RPS3: variants seen among roughly 807,000 people sequenced by gnomAD.
RPS3 encodes the protein small ribosomal subunit protein uS3.
Under a neutral mutation model 25.8 loss-of-function variants are expected in RPS3, and 2 were observed. That is an observed-to-expected ratio of 0.08 (90% CI 0.03 to 0.24). The LOEUF is 0.24. RPS3 is among the 10% of genes least tolerant of loss of function. The pLI, the probability that RPS3 is intolerant of heterozygous loss-of-function variation, is 1.00. For missense variants in RPS3, 107 were observed against 307.1 expected, an observed-to-expected ratio of 0.35 and a Z score of 4.87; for synonymous variants, 114 against 114.2, an observed-to-expected ratio of 1.00 and a Z score of 0.01.
At chr11:75,403,481 A>T (rs1289106560) in intron 4 of RPS3, 1 of 152,448 alleles carries the variant, frequency 6.6e-6, no homozygotes, top group African/African-American at 2.4e-5. Context: ...TAAACTGCCG[A>T]ATGAGTTGGG....
intron 6 of RPS3, among the ~76,000 whole-genome samples, chr11:75,421,413 A>AGGCCTCACAGCGATATGCACAG: frequency 6.6e-6 from 1 of 152,236 alleles, no homozygotes; most frequent in African/African-American, 2.4e-5. Context: ...CAGCTCCTCC[A>AGGCCTCACAGCGATATGCACAG]GGCCTCACAG....
chr11:75,400,504 C>A, intron 1 of RPS3, 190 bp from the exon 2 acceptor site: 1 of 808,012 alleles, frequency 1.2e-6, no homozygotes, highest in Non-Finnish European at 2.1e-6. Context: ...GAAGTAATTT[C>A]CTAAAGATGA....
At chr11:75,409,825 C>A (rs1217044151), downstream of RPS3, among the ~76,000 whole-genome samples, 3 of 148,304 alleles carry the variant, frequency 2.0e-5, no homozygotes, top group Non-Finnish European at 3.0e-5. Context: ...CTGACCCCCC[C>A]ACCTCCCTCC....
At chr11:75,416,460 ATT>A (rs1180090052) in intron 6 of RPS3, among the ~76,000 whole-genome samples, 12 of 132,788 alleles carry the variant, frequency 9.0e-5, no homozygotes, top group South Asian at 2.3e-4. Flanking sequence ...GATTATTTCT[ATT>A]TTTTTTTTTT....
intron 6 of RPS3, among the ~76,000 whole-genome samples, chr11:75,420,289 G>C (rs1948432326): frequency 6.6e-6 from 1 of 152,212 alleles, no homozygotes; most frequent in Admixed American, 6.5e-5. Flanking sequence ...CCTTTTGCTT[G>C]TGTTTGTGAA....
chr11:75,400,771 A>G lies in RPS3; in HGVS notation c.108A>G (p.Gly36=), dbSNP rs370158932. ...AGCTGGCTGAAGATGGCTACTCTGG[A>G]GTTGAGGTGCGAGTTACACCAACCA... is the stretch of plus-strand genomic sequence containing the variant. ...TRELAEDGYS[G]VEVRVTPTRT... The change falls in exon 2 of 7, where the codon GGA becomes GGG. Residue 36 remains glycine (G), a synonymous_variant. Coordinates refer to ENST00000531188, the MANE Select transcript of RPS3 (RefSeq NM_001005.5). 4 of 1,612,848 alleles carry G rather than the reference A, an allele frequency of 2.5e-6. No individual in the cohort carries two copies. Among genetic ancestry groups the G allele is most frequent in the African/African-American group, 1.3e-5 (1 of 74,894 alleles).
chr11:75,409,763 C>T (rs1419919110), downstream of RPS3, among the ~76,000 whole-genome samples: 10 of 150,812 alleles, frequency 6.6e-5, no homozygotes, highest in South Asian at 8.4e-4. Context: ...TAGGGGCGGC[C>T]GGGCAGAAGT....
downstream of RPS3, among the ~76,000 whole-genome samples, chr11:75,408,795 C>G (rs1387353174): frequency 6.6e-6 from 1 of 152,186 alleles, no homozygotes; most frequent in East Asian, 1.9e-4. Flanking sequence ...ATCCACCTCC[C>G]AAAGTGCTGG....
chr11:75,417,488 T>A (rs920175760), intron 6 of RPS3, among the ~76,000 whole-genome samples: 1 of 152,108 alleles, frequency 6.6e-6, no homozygotes, highest in Admixed American at 6.5e-5. Flanking sequence ...TCCCAGCTAC[T>A]CGGGAGGCTG....
chr11:75,405,507 T>C, intron 6 of RPS3, 107 bp from the exon 7 acceptor site: 1 of 418,448 alleles, frequency 2.4e-6, no homozygotes, highest in Non-Finnish European at 4.7e-6. Context: ...GTATGCATTT[T>C]ATTAATGTTG....
At chr11:75,410,056 C>G (rs1565166841), downstream of RPS3, among the ~76,000 whole-genome samples, 2 of 136,992 alleles carry the variant, frequency 1.5e-5, no homozygotes, top group Admixed American at 7.0e-5. Context: ...GGGCGGCTGG[C>G]CAGGCGGGGG....
At chr11:75,408,166 TATTGA>T (rs1225786985), downstream of RPS3, among the ~76,000 whole-genome samples, 1 of 152,152 alleles carries the variant, frequency 6.6e-6, no homozygotes, top group Non-Finnish European at 1.5e-5. Flanking sequence ...GTGTATAGAT[TATTGA>T]ATTATCAAAG....
rs1050151009 is a variant in RPS3, at chr11:75,404,017, A to C, written c.351-3A>C. ...ACAGTGGCTCTCTTCTGTTCTTTTA[A>C]AGGGCCTGCTATGGTGTGCTGCGGT... On this transcript the variant is annotated splice_region_variant and splice_polypyrimidine_tract_variant and intron_variant, in intron 4 of 6. Transcript: ENST00000531188. This position sits in a 1 kb window ranked among gnomAD's most constrained non-coding sequence, Gnocchi z 4.6. The C allele has an allele frequency of 3.1e-6, 5 of 1,611,038 alleles. No homozygotes were observed. The Admixed American group carries it at 8.4e-5, about 27-fold the overall frequency.
At chr11:75,399,707 C>A in intron 1 of RPS3, 130 bp downstream of exon 1, 1 of 787,268 alleles carries the variant, frequency 1.3e-6, no homozygotes, top group Non-Finnish European at 2.1e-6. Context: ...GGCGTTCCTG[C>A]GGGCCGCGGA....
In RPS3 at chr11:75,404,041, G is replaced by T; in HGVS notation, c.372G>T (p.Arg124=). 3 of 1,612,872 alleles carry T rather than the reference G, an allele frequency of 1.9e-6. No individual in the cohort carries two copies. The highest frequency in any genetic ancestry group is 1.1e-5 in the South Asian group (1 of 91,026). ...AAAGGGCCTGCTATGGTGTGCTGCG[G>T]TTCATCATGGAGAGTGGGGCCAAAG... The part of the protein sequence containing the change: ...AVRRACYGVL[R]FIMESGAKGC... The change falls in exon 5 of 7, where the codon CGG becomes CGT. Residue 124 remains arginine (R), a synonymous_variant. Coordinates refer to ENST00000531188, the MANE Select transcript of RPS3 (RefSeq NM_001005.5). This position sits in a 1 kb window ranked among gnomAD's most constrained non-coding sequence, Gnocchi z 4.6.
rs754720594 is a variant in RPS3 at position 75,400,507 on chromosome 11, A to C, written c.31-187A>C. 4 of 827,034 alleles carry C rather than the reference A, an allele frequency of 4.8e-6. No individual in the cohort carries two copies. The South Asian group carries it at 5.3e-5, about 11-fold the overall frequency. The allele number at this position is 827,034 out of a possible 1,614,324, so 51.2% of individuals were successfully genotyped here. A position where few individuals can be genotyped will look rare whatever the true frequency, so the allele number is the denominator to read the frequency against. On this transcript the variant is annotated intron_variant, in intron 1 of 6. Transcript: ENST00000531188. Reference sequence around the variant, plus strand: ...AGAGCCCTGGTTGAAGTAATTTCCTAAAGATGACTTAGAGGCATTTGTCTG... The same window carrying C: ...AGAGCCCTGGTTGAAGTAATTTCCTCAAGATGACTTAGAGGCATTTGTCTG...
downstream of RPS3, among the ~76,000 whole-genome samples, chr11:75,411,458 C>T (rs1389551512): frequency 4.0e-5 from 6 of 151,804 alleles, no homozygotes; most frequent in Non-Finnish European, 8.8e-5. Flanking sequence ...GGCGCAATCT[C>T]GGCTCACTGC....
chr11:75,410,564 GCTC>G (rs1251782491), downstream of RPS3, among the ~76,000 whole-genome samples: 1 of 152,186 alleles, frequency 6.6e-6, no homozygotes, highest in African/African-American at 2.4e-5. Context: ...AGGCAGAGAC[GCTC>G]CTCACTTCCC....
At chr11:75,421,709 GT>G (rs1203254831) in intron 6 of RPS3, 3 of 152,166 alleles carry the variant, frequency 2.0e-5, no homozygotes, top group Non-Finnish European at 4.4e-5. Flanking sequence ...ATCCATAACT[GT>G]TTTTGTTTTG....
Sources: allele counts gnomAD v4.1 joint callset (sites outside exome capture counted in the v4.1 genomes callset), GRCh38; gene constraint gnomAD v4.1.1; non-coding constraint Gnocchi (gnomAD v3.1); transcripts MANE v1.5; gene names NCBI Gene and HGNC (gene_info 2026-07-23, HGNC 2026-07-21).